The following FGGY variants were observed in gnomAD, a reference collection of about 807,000 sequenced individuals.
FGGY encodes the protein FGGY carbohydrate kinase domain containing.
A neutral mutation model predicts 71.3 loss-of-function variants in FGGY; 72 were observed. The observed-to-expected ratio is 1.01, with a 90% CI of 0.84 to 1.23. The LOEUF (loss-of-function observed/expected upper bound fraction) is 1.23. Ranked by LOEUF, FGGY falls within the 50% of genes most tolerant of loss-of-function variation. The pLI is 0.00. For synonymous variants in FGGY, 251 were observed against 250.3 expected (o/e 1.00, Z -0.02); for missense variants, 668 against 682.3 (o/e 0.98, Z 0.23).
intron 7 of FGGY, among the ~76,000 whole-genome samples, chr1:59,517,544 G>A (rs918527062): frequency 6.6e-6 from 1 of 152,056 alleles, no homozygotes; most frequent in South Asian, 2.1e-4. Flanking sequence ...CTCTTATCTG[G>A]CAGACAGACT....
intron 7 of FGGY, among the ~76,000 whole-genome samples, chr1:59,527,522 A>T (rs1447861336): frequency 6.6e-6 from 1 of 151,976 alleles, no homozygotes; most frequent in Non-Finnish European, 1.5e-5. Context: ...CTTTCTCTTC[A>T]CCCCATTGTC....
intron 9 of FGGY, among the ~76,000 whole-genome samples, chr1:59,622,562 T>A (rs1194006613): frequency 6.6e-6 from 1 of 152,202 alleles, no homozygotes; most frequent in Non-Finnish European, 1.5e-5. Context: ...CTGGACTACT[T>A]CTGGTGTTCC....
chr1:59,611,574 T>C (rs954982021), intron 9 of FGGY, among the ~76,000 whole-genome samples: 1 of 151,828 alleles, frequency 6.6e-6, no homozygotes, highest in Non-Finnish European at 1.5e-5. Context: ...AAACTGAAAA[T>C]TCTAAAAATC....
intron 1 of FGGY, among the ~76,000 whole-genome samples, chr1:59,303,698 C>T (rs2153081737): frequency 6.6e-6 from 1 of 152,058 alleles, no homozygotes; most frequent in East Asian, 1.9e-4. Flanking sequence ...TAATGCTGTA[C>T]CAATTTACAT....
intron 2 of FGGY, among the ~76,000 whole-genome samples, chr1:59,324,557 T>TGA (rs2047036058): frequency 6.6e-6 from 1 of 152,116 alleles, no homozygotes; most frequent in Non-Finnish European, 1.5e-5. Flanking sequence ...ATTACAGGCG[T>TGA]GAGCCACCGC....
chr1:59,300,249 A>C (rs2153075629), intron 1 of FGGY, among the ~76,000 whole-genome samples: 1 of 152,338 alleles, frequency 6.6e-6, no homozygotes, highest in East Asian at 1.9e-4. Flanking sequence ...ATAACCCCAA[A>C]GATTGCTTGT....
chr1:59,458,956 G>C (rs144990774), intron 6 of FGGY, among the ~76,000 whole-genome samples: 24 of 152,308 alleles, frequency 1.6e-4, no homozygotes, highest in African/African-American at 5.8e-4. Flanking sequence ...AATCTCAGAA[G>C]CCTCCCTATG....
At chr1:59,732,938 C>T (rs973738333) in intron 14 of FGGY, among the ~76,000 whole-genome samples, 22 of 152,202 alleles carry the variant, frequency 1.4e-4, no homozygotes, top group Non-Finnish European at 2.5e-4. Context: ...CCCCCTGTTC[C>T]CCGTAATTGT....
chr1:59,590,789 C>G (rs2096417574), intron 8 of FGGY, among the ~76,000 whole-genome samples: 1 of 152,106 alleles, frequency 6.6e-6, no homozygotes, highest in South Asian at 2.1e-4. Flanking sequence ...GGACGTATCT[C>G]AAAATAATAA....
At chr1:59,488,567 T>C (rs989572737) in intron 6 of FGGY, among the ~76,000 whole-genome samples, 3 of 148,478 alleles carry the variant, frequency 2.0e-5, no homozygotes, top group East Asian at 3.9e-4. Context: ...ATTATATGTA[T>C]CTATAATAAA....
intron 5 of FGGY, among the ~76,000 whole-genome samples, chr1:59,405,525 G>A (rs1184342727): frequency 6.6e-6 from 1 of 152,150 alleles, no homozygotes; most frequent in Non-Finnish European, 1.5e-5. Context: ...TGCATTGTAG[G>A]GGCTTAGTGG....
intron 1 of FGGY, among the ~76,000 whole-genome samples, chr1:59,300,406 T>C (rs2042584930): frequency 1.3e-5 from 2 of 152,220 alleles, no homozygotes; most frequent in Non-Finnish European, 2.9e-5. Flanking sequence ...CACGTGTAAC[T>C]TGCAGATATT....
chr1:59,584,051 C>A (rs1221322228), intron 8 of FGGY, among the ~76,000 whole-genome samples: 1 of 149,524 alleles, frequency 6.7e-6, no homozygotes, highest in Non-Finnish European at 1.5e-5. Context: ...AAGTCCAGGA[C>A]CGGATGGATT....
At chr1:59,596,722 A>G (rs2096528552) in intron 8 of FGGY, among the ~76,000 whole-genome samples, 3 of 151,534 alleles carry the variant, frequency 2.0e-5, no homozygotes, top group Admixed American at 1.3e-4. Context: ...GGCCTGGGAA[A>G]GATTCACAGG....
intron 14 of FGGY, among the ~76,000 whole-genome samples, chr1:59,726,130 TA>T (rs2097945029): frequency 6.6e-6 from 1 of 152,118 alleles, no homozygotes; most frequent in Non-Finnish European, 1.5e-5. Context: ...TTAATCACAA[TA>T]AAAAATGATT....
intron 14 of FGGY, among the ~76,000 whole-genome samples, chr1:59,680,044 G>C (rs2097481033): frequency 6.6e-6 from 1 of 152,188 alleles, no homozygotes. Flanking sequence ...ACTCCCATCA[G>C]TAGTGTCTGA....
chr1:59,306,078 G>A (rs1446787650), intron 1 of FGGY, among the ~76,000 whole-genome samples: 2 of 152,094 alleles, frequency 1.3e-5, no homozygotes, highest in Non-Finnish European at 2.9e-5. Context: ...TCCCATCTCT[G>A]TGTGATTACT....
intron 13 of FGGY, among the ~76,000 whole-genome samples, chr1:59,671,667 T>G (rs930815922): frequency 6.6e-6 from 1 of 152,228 alleles, no homozygotes. Flanking sequence ...AATGCTAATT[T>G]AGTGCTTTCT....
chr1:59,738,241 G>A (rs985662253), intron 14 of FGGY, among the ~76,000 whole-genome samples: 11 of 152,206 alleles, frequency 7.2e-5, no homozygotes, highest in African/African-American at 2.7e-4. Flanking sequence ...GGTAAGGATT[G>A]TCTGAAGAGA....
Sources: allele counts gnomAD v4.1 joint callset (sites outside exome capture counted in the v4.1 genomes callset), GRCh38; gene constraint gnomAD v4.1.1; transcripts MANE v1.5; gene names NCBI Gene and HGNC (gene_info 2026-07-23, HGNC 2026-07-21).